Variants in TNR observed in about 807,000 individuals in gnomAD.
The protein encoded by TNR is tenascin R.
TNR carries 45 observed loss-of-function variants against 150.4 expected under a neutral mutation model. That is an observed-to-expected ratio of 0.30 (90% CI 0.24 to 0.38). TNR has a LOEUF of 0.38. Ranked by LOEUF, TNR falls within the 10% of genes least tolerant of loss-of-function variation. TNR has a pLI of 1.00. For synonymous variants in TNR, 687 were observed against 678.4 expected, an observed-to-expected ratio of 1.01 and a Z score of -0.20; for missense variants, 1,544 against 1,759.1, an observed-to-expected ratio of 0.88 and a Z score of 2.19.
intron 2 of TNR, among the ~76,000 whole-genome samples, chr1:175,424,899 C>CA (rs1270194197): frequency 1.3e-5 from 2 of 151,992 alleles, no homozygotes; most frequent in Non-Finnish European, 1.5e-5. Context: ...GGAAACTAAG[C>CA]AAAAAATATC....
chr1:175,469,165 A>G (rs925362124), intron 2 of TNR, among the ~76,000 whole-genome samples: 1 of 152,052 alleles, frequency 6.6e-6, no homozygotes, highest in Non-Finnish European at 1.5e-5. Context: ...TGCTGGTTGG[A>G]GATGATCAGA....
At position 175,430,583 on chromosome 1, in the gene TNR, A is replaced by G. The variant is rs145068666; in HGVS notation, c.-63-23806T>C. Among the ~76,000 whole-genome samples, 719 of 152,292 alleles carry G rather than the reference A, an allele frequency of 4.7e-3. 1 individual carries two copies. The highest frequency in any genetic ancestry group is 8.0e-3 in the Non-Finnish European group (546 of 68,022). Reference sequence around the variant, plus strand: ...TTTAGAGATCACCTTACACCTTTTTATCTGACAGGTGAGAAAAACCAGTTC... The same window carrying G: ...TTTAGAGATCACCTTACACCTTTTTGTCTGACAGGTGAGAAAAACCAGTTC... On this transcript the variant is annotated intron_variant, in intron 2 of 22. Transcript: ENST00000367674.
At chr1:175,408,563 A>G (rs1035589312) in intron 2 of TNR, among the ~76,000 whole-genome samples, 4 of 152,170 alleles carry the variant, frequency 2.6e-5, no homozygotes, top group Non-Finnish European at 5.9e-5. Context: ...TGTTGAGACT[A>G]TAGACTCTGG....
intron 1 of TNR, among the ~76,000 whole-genome samples, chr1:175,542,633 T>C (rs756547094): frequency 1.1e-4 from 17 of 152,248 alleles, no homozygotes; most frequent in Non-Finnish European, 2.1e-4. Context: ...CCTGATTAGA[T>C]GCAAACATTG....
At chr1:175,484,305 C>G (rs1657923602) in intron 2 of TNR, among the ~76,000 whole-genome samples, 1 of 152,174 alleles carries the variant, frequency 6.6e-6, no homozygotes, top group African/African-American at 2.4e-5. Flanking sequence ...TTATCCTCTT[C>G]CTCCTTTTCT....
At chr1:175,334,672 C>T (rs1195375487) in intron 20 of TNR, among the ~76,000 whole-genome samples, 1 of 152,252 alleles carries the variant, frequency 6.6e-6, no homozygotes, top group Non-Finnish European at 1.5e-5. Flanking sequence ...CCATTTTCCA[C>T]ACTCCTATGA....
intron 1 of TNR, among the ~76,000 whole-genome samples, chr1:175,528,920 C>T (rs1019332139): frequency 2.6e-5 from 4 of 152,178 alleles, no homozygotes; most frequent in African/African-American, 9.7e-5. Context: ...GTTCCTGTCC[C>T]AAGCACAATG....
At chr1:175,350,819 T>C (rs1041439647) in intron 18 of TNR, among the ~76,000 whole-genome samples, 1 of 152,210 alleles carries the variant, frequency 6.6e-6, no homozygotes, top group Non-Finnish European at 1.5e-5. Flanking sequence ...ACAATGAACC[T>C]CTTATGGTCC....
intron 1 of TNR, among the ~76,000 whole-genome samples, chr1:175,546,442 A>T (rs1169124492): frequency 6.6e-6 from 1 of 152,230 alleles, no homozygotes; most frequent in African/African-American, 2.4e-5. Flanking sequence ...CACATCTTAA[A>T]GATGTCTTCT....
chr1:175,417,070 A>AGAAAGAAAGAAAGAAG (rs1557920348), intron 2 of TNR, among the ~76,000 whole-genome samples: 1 of 151,030 alleles, frequency 6.6e-6, no homozygotes, highest in Non-Finnish European at 1.5e-5. Flanking sequence ...AAAGAAAGAA[A>AGAAAGAAAGAAAGAAG]GAAAGAAATC....
intron 1 of TNR, among the ~76,000 whole-genome samples, chr1:175,676,107 T>G (rs963451971): frequency 1.3e-5 from 2 of 152,152 alleles, no homozygotes; most frequent in Non-Finnish European, 2.9e-5. Flanking sequence ...GCTTTACAAA[T>G]GTACAGCTTT....
chr1:175,407,380 T>C (rs989160974), intron 2 of TNR, among the ~76,000 whole-genome samples: 1 of 152,206 alleles, frequency 6.6e-6, no homozygotes, highest in African/African-American at 2.4e-5. Context: ...AACTTTCTTT[T>C]AATCTTCTTG....
chr1:175,429,108 G>A (rs910458752), intron 2 of TNR, among the ~76,000 whole-genome samples: 3 of 152,124 alleles, frequency 2.0e-5, no homozygotes, highest in Non-Finnish European at 4.4e-5. Flanking sequence ...TATGATATGG[G>A]TTGTGATTAG....
In TNR at chr1:175,474,506, A is replaced by G. The variant is rs554817276; in HGVS notation, c.-64+53763T>C. Among the ~76,000 whole-genome samples, 5 of 152,330 alleles carry G rather than the reference A, an allele frequency of 3.3e-5. No individual in the cohort carries two copies. The South Asian group carries it at 8.3e-4, about 25-fold the overall frequency. Reference sequence around the variant, plus strand: ...GGGAGAAAAGACATTTCTGTTGTTTAAGCCACCTAAGCTGTGGCAATTTGT... The same window carrying G: ...GGGAGAAAAGACATTTCTGTTGTTTGAGCCACCTAAGCTGTGGCAATTTGT... On this transcript the variant is annotated intron_variant, in intron 2 of 22. Coordinates refer to ENST00000367674, the MANE Select transcript of TNR (RefSeq NM_003285.3).
intron 15 of TNR, among the ~76,000 whole-genome samples, chr1:175,358,853 A>ATT (rs1651450617): frequency 6.6e-6 from 1 of 152,214 alleles, no homozygotes; most frequent in South Asian, 2.1e-4. Context: ...AACACGGAAG[A>ATT]GTTTAGCAGT....
intron 4 of TNR, among the ~76,000 whole-genome samples, chr1:175,402,024 C>G (rs144523480): frequency 1.3e-5 from 2 of 152,146 alleles, no homozygotes. Context: ...AAAAGGGAAT[C>G]AGGCCGGGCG....
chr1:175,326,517 C>T (rs747220952), intron 21 of TNR, among the ~76,000 whole-genome samples: 11 of 152,108 alleles, frequency 7.2e-5, no homozygotes, highest in East Asian at 3.8e-4. Flanking sequence ...ATCTTCATTC[C>T]GTCTTCTTCG....
At chr1:175,412,345 A>G (rs571204257) in intron 2 of TNR, among the ~76,000 whole-genome samples, 1 of 152,214 alleles carries the variant, frequency 6.6e-6, no homozygotes, top group South Asian at 2.1e-4. Flanking sequence ...GACAGGGATG[A>G]CTTTGAGATT....
intron 1 of TNR, among the ~76,000 whole-genome samples, chr1:175,536,369 T>C (rs962445105): frequency 2.6e-5 from 4 of 152,200 alleles, no homozygotes; most frequent in Admixed American, 6.5e-5. Context: ...TCTGTGGACA[T>C]TGCCATGGCT....
Sources: allele counts gnomAD v4.1 joint callset (sites outside exome capture counted in the v4.1 genomes callset), GRCh38; gene constraint gnomAD v4.1.1; transcripts MANE v1.5; gene names NCBI Gene and HGNC (gene_info 2026-07-23, HGNC 2026-07-21).